Variants in NFATC2 observed in about 807,000 individuals in gnomAD.
NFATC2 encodes the protein nuclear factor of activated T-cells, cytoplasmic 2.
A neutral mutation model predicts 87.3 loss-of-function variants in NFATC2; 22 were observed. The observed-to-expected ratio is 0.25, with a 90% confidence interval of 0.18 to 0.36. NFATC2 has a LOEUF of 0.36. Ranked by LOEUF, NFATC2 falls within the 10% of genes least tolerant of loss-of-function variation. The pLI is 1.00. For missense variants in NFATC2, 1,149 were observed against 1,259.1 expected (o/e 0.91, Z 1.32); for synonymous variants, 565 against 542.2 (o/e 1.04, Z -0.58).
chr20:51,429,953 A>T (rs1784359975), intron 9 of NFATC2, among the ~76,000 whole-genome samples: 1 of 151,844 alleles, frequency 6.6e-6, no homozygotes, highest in Admixed American at 6.6e-5. Context: ...CTGCGTTGAG[A>T]AAGGGCCTCA....
intron 2 of NFATC2, among the ~76,000 whole-genome samples, chr20:51,520,861 T>C (rs2076433630): frequency 6.6e-6 from 1 of 151,966 alleles, no homozygotes; most frequent in African/African-American, 2.4e-5. Flanking sequence ...GGTTTCTCCA[T>C]GTCGGTCAGG....
At chr20:51,557,606 G>T (rs189600535) in intron 1 of NFATC2, among the ~76,000 whole-genome samples, 6 of 152,292 alleles carry the variant, frequency 3.9e-5, no homozygotes, top group Middle Eastern at 3.4e-3. Context: ...CACCAGCTCC[G>T]GCTGGGACAA....
chr20:51,408,588 A>G (rs1740301288), intron 9 of NFATC2, among the ~76,000 whole-genome samples: 1 of 151,950 alleles, frequency 6.6e-6, no homozygotes, highest in Non-Finnish European at 1.5e-5. Context: ...CAACACCAAC[A>G]GATTACATCT....
At chr20:51,554,789 G>C (rs1177287854) in intron 1 of NFATC2, among the ~76,000 whole-genome samples, 1 of 152,158 alleles carries the variant, frequency 6.6e-6, no homozygotes, top group Non-Finnish European at 1.5e-5. Context: ...ATTAGCTAAG[G>C]GTGGATTTGC....
intron 3 of NFATC2, among the ~76,000 whole-genome samples, chr20:51,492,316 C>T (rs2075905832): frequency 6.6e-6 from 1 of 151,986 alleles, no homozygotes; most frequent in East Asian, 1.9e-4. Context: ...ACCTGGGCAG[C>T]CCCCCAGCTT....
intron 9 of NFATC2, among the ~76,000 whole-genome samples, chr20:51,412,841 C>T (rs1316321822): frequency 6.6e-6 from 1 of 152,090 alleles, no homozygotes; most frequent in African/African-American, 2.4e-5. Context: ...ATGGGTCTCC[C>T]TGCAAAAGGA....
At chr20:51,440,441 C>G (rs1303161761) in intron 6 of NFATC2, among the ~76,000 whole-genome samples, 1 of 152,014 alleles carries the variant, frequency 6.6e-6, no homozygotes, top group East Asian at 1.9e-4. Context: ...ATACTTCTGC[C>G]TACAGGTTTG....
intron 3 of NFATC2, among the ~76,000 whole-genome samples, chr20:51,488,758 T>A (rs1449683053): frequency 6.6e-6 from 1 of 152,152 alleles, no homozygotes; most frequent in East Asian, 1.9e-4. Context: ...GCATCCAGCC[T>A]CTCGCTAATT....
rs114363175 is a variant in NFATC2, at chr20:51,497,257, G to A, written c.1332+19527C>T. On this transcript the variant is annotated intron_variant, in intron 3 of 10. Transcript: ENST00000371564. ...CTGCCTCACGACTTCAACAACTTCGGGTCCAAAGTCAAGGTGCACTTGGGC... is the reference window on the plus strand; with the variant it reads ...CTGCCTCACGACTTCAACAACTTCGAGTCCAAAGTCAAGGTGCACTTGGGC... 6.7e-3 allele frequency among the ~76,000 whole-genome samples: 1,021 copies of A among 152,206 alleles called. 15 individuals are homozygous for A. Among genetic ancestry groups the A allele is most frequent in the African/African-American group, 0.023 (962 of 41,516 alleles).
chr20:51,402,280 T>A (rs1325886198), intron 9 of NFATC2, among the ~76,000 whole-genome samples: 6 of 152,172 alleles, frequency 3.9e-5, no homozygotes, highest in Admixed American at 3.9e-4. Flanking sequence ...TTCTTCTGAT[T>A]ACATGCAACT....
chr20:51,552,555 G>A (rs2076943095), intron 1 of NFATC2, among the ~76,000 whole-genome samples: 1 of 152,088 alleles, frequency 6.6e-6, no homozygotes, highest in Non-Finnish European at 1.5e-5. Flanking sequence ...TTCCAAGAGG[G>A]GATTGCAGCA....
chr20:51,406,160 C>A lies in NFATC2; in HGVS notation c.2723-7430G>T, dbSNP rs139021739. On this transcript the variant is annotated intron_variant, in intron 9 of 10. Transcript: ENST00000371564. ...CATTACACAGCTGAAGAAACCAAGT[C>A]TCCGAAAGAGTAACAAACCCAGGCT... Among the ~76,000 whole-genome samples, 276 of 152,320 alleles carry A rather than the reference C, an allele frequency of 1.8e-3. 2 individuals are homozygous for A. Among genetic ancestry groups the A allele is most frequent in the Middle Eastern group, 0.014 (4 of 294 alleles).
At chr20:51,547,651 G>A (rs1243977988), upstream of NFATC2, among the ~76,000 whole-genome samples, 1 of 152,148 alleles carries the variant, frequency 6.6e-6, no homozygotes, top group African/African-American at 2.4e-5. Flanking sequence ...GTGTGAATGT[G>A]TCCAAAACCA....
At chr20:51,407,267 A>G (rs6096412) in intron 9 of NFATC2, among the ~76,000 whole-genome samples, 6,022 of 151,958 alleles carry the variant, frequency 0.04, 415 homozygotes, top group African/African-American at 0.14. Flanking sequence ...CCACCCCATC[A>G]TGCCCTGTCC....
intron 3 of NFATC2, among the ~76,000 whole-genome samples, chr20:51,477,434 C>T (rs1988806189): frequency 6.7e-6 from 1 of 150,202 alleles, no homozygotes; most frequent in South Asian, 2.1e-4. Context: ...AGGACTTTGA[C>T]TTTATATGCC....
At position 51,558,257 on chromosome 20, in the gene NFATC2, G is replaced by A. The variant is rs536468609; in HGVS notation, c.70+4303C>T. 7.9e-5 allele frequency among the ~76,000 whole-genome samples: 12 copies of A among 152,200 alleles called. 1 individual carries two copies. Among genetic ancestry groups the A allele is most frequent in the African/African-American group, 2.9e-4 (12 of 41,528 alleles). On this transcript the variant is annotated intron_variant, in intron 1 of 10. Coordinates refer to the NFATC2 transcript ENST00000414705. ...CCCAGCAGGCTGAGGTGGGAAGATT[G>A]CTTGAGCCCAGGAGGTCAAGGCTAC...
At chr20:51,463,530 T>C (rs914949886) in intron 5 of NFATC2, among the ~76,000 whole-genome samples, 3 of 152,144 alleles carry the variant, frequency 2.0e-5, no homozygotes, top group Admixed American at 1.3e-4. Context: ...ACCATTCCAA[T>C]GTACTAACAG....
rs547130151 is a variant in NFATC2, at chr20:51,411,923, C to A, written c.2723-13193G>T. ...CTGACCAAAGTGCAAGAAATTTGGGCCAGGATGCCAAACTTTCCAAAGCAG... is the reference window on the plus strand; with the variant it reads ...CTGACCAAAGTGCAAGAAATTTGGGACAGGATGCCAAACTTTCCAAAGCAG... On this transcript the variant is annotated intron_variant, in intron 9 of 10. Coordinates refer to ENST00000371564, the MANE Select transcript of NFATC2 (RefSeq NM_012340.5). 7.9e-5 allele frequency among the ~76,000 whole-genome samples: 12 copies of A among 152,202 alleles called. No homozygotes were observed. The South Asian group carries it at 2.5e-3, about 32-fold the overall frequency.
intron 6 of NFATC2, among the ~76,000 whole-genome samples, chr20:51,446,822 C>CG (rs1481409791): frequency 6.6e-6 from 1 of 152,174 alleles, no homozygotes; most frequent in Admixed American, 6.5e-5. Context: ...GGCTCCAGCC[C>CG]GGGGGGCCAC....
Sources: allele counts gnomAD v4.1 joint callset (sites outside exome capture counted in the v4.1 genomes callset), GRCh38; gene constraint gnomAD v4.1.1; transcripts MANE v1.5; gene names NCBI Gene and HGNC (gene_info 2026-07-23, HGNC 2026-07-21).